The following XYLT1 variants were observed in gnomAD, a reference collection of about 807,000 sequenced individuals.
The protein encoded by XYLT1 is beta-D-xylosyltransferase 1.
Under a neutral mutation model 91.3 loss-of-function variants are expected in XYLT1, and 36 were observed. The observed-to-expected ratio is 0.39, with a 90% CI of 0.30 to 0.52. The LOEUF is 0.52. XYLT1 is among the 20% of genes least tolerant of loss of function. The pLI, the probability that XYLT1 is intolerant of heterozygous loss-of-function variation, is 0.68. For missense variants in XYLT1, 1,242 were observed against 1,284.5 expected, an observed-to-expected ratio of 0.97 and a Z score of 0.51; for synonymous variants, 588 against 532.0, an observed-to-expected ratio of 1.11 and a Z score of -1.45.
At position 17,141,324 on chromosome 16, in the gene XYLT1, G is replaced by C. The variant is rs371420301; in HGVS notation, c.1416C>G (p.Asp472Glu). Residue 472 changes from aspartate to glutamate, a missense_variant, in exon 7 of 12, where the codon GAC (aspartate) becomes GAG (glutamate). By Grantham distance (45) the Asp-to-Glu change is conservative. This residue lies in a region of XYLT1 where 294 missense variants were observed against 376.0 expected (regional missense o/e 0.78). Coordinates refer to ENST00000261381, the MANE Select transcript of XYLT1 (RefSeq NM_022166.4). ...QGLDRLFLEC[D>E]AHMWRLGDRR... ...GATCTCCCAGGCGCCACATGTGAGC[G>C]TCGCACTCCAGGAAGAGCCGATCCA... is the stretch of plus-strand genomic sequence containing the variant. 6.5e-5 allele frequency: 105 copies of C among 1,614,048 alleles called. No homozygotes were observed. The highest frequency in any genetic ancestry group is 8.3e-5 in the Non-Finnish European group (98 of 1,180,046).
At chr16:17,364,726 A>G (rs1379137800) in intron 1 of XYLT1, among the ~76,000 whole-genome samples, 2 of 152,206 alleles carry the variant, frequency 1.3e-5, no homozygotes, top group Non-Finnish European at 2.9e-5. Flanking sequence ...CAGATAACTG[A>G]TACTCTCAGA....
rs1221140944 is a variant in XYLT1 at position 17,138,353 on chromosome 16, A to ACCTGGAAGCGGTGGAAGTCCTG, written c.1744_1764+1dup. 1 of 1,610,004 alleles carries ACCTGGAAGCGGTGGAAGTCCTG rather than the reference A, an allele frequency of 6.2e-7. No individual in the cohort carries two copies. The highest frequency in any genetic ancestry group is 8.5e-7 in the Non-Finnish European group (1 of 1,176,966). ...GGCTGGCAGACCATGAGAAAGTCTCACCTGGAAGCGGTGGAAGTCCTGCGG... is the reference window on the plus strand; with the variant it reads ...GGCTGGCAGACCATGAGAAAGTCTCACCTGGAAGCGGTGGAAGTCCTGCCTGGAAGCGGTGGAAGTCCTGCGG... On this transcript the variant is annotated splice_donor_variant, in intron 8 of 11. Coordinates refer to ENST00000261381, the MANE Select transcript of XYLT1 (RefSeq NM_022166.4). LOFTEE classifies it high-confidence loss of function.
chr16:17,111,784 G>A (rs1344543503), intron 11 of XYLT1, among the ~76,000 whole-genome samples: 1 of 152,228 alleles, frequency 6.6e-6, no homozygotes, highest in African/African-American at 2.4e-5. Flanking sequence ...AAGGAGGTGA[G>A]CAGTCATTGA....
In XYLT1 at chr16:17,470,756, G is replaced by A. The variant is rs558470371; in HGVS notation, c.41C>T (p.Ser14Leu). The A allele has an allele frequency of 2.0e-4, 225 of 1,097,614 alleles. 1 individual carries two copies. The highest frequency in any genetic ancestry group is 2.4e-4 in the Non-Finnish European group (218 of 893,188). The allele number at this position is 1,097,614 out of a possible 1,614,324, so 68.0% of individuals were successfully genotyped here. Reference sequence around the variant, plus strand: ...GAGCGCCGCGAGCAGCGCCGAGTGCGAGCGCCGGGCCAGCCTCCGGGCGCA... The same window carrying A: ...GAGCGCCGCGAGCAGCGCCGAGTGCAAGCGCCGGGCCAGCCTCCGGGCGCA... ...APCARRLARRSHSALLAALTV... is the reference protein window; with the variant it reads ...APCARRLARRLHSALLAALTV... Residue 14 changes from serine to leucine, a missense_variant, in exon 1 of 12, where the codon TCG becomes TTG. Physicochemically the swap from Ser to Leu is moderately radical, Grantham distance 145. This residue lies in a region of XYLT1 where 437 missense variants were observed against 411.5 expected (regional missense o/e 1.06). Transcript: ENST00000261381.
chr16:17,135,563 CAAAAAAAA>C (rs112216252), intron 8 of XYLT1, among the ~76,000 whole-genome samples: 2 of 117,124 alleles, frequency 1.7e-5, no homozygotes, highest in African/African-American at 3.0e-5. Flanking sequence ...GAGTGTAGCT[CAAAAAAAA>C]AAAAAAAAAA....
chr16:17,233,858 C>A (rs918131006), intron 3 of XYLT1, among the ~76,000 whole-genome samples: 1 of 152,144 alleles, frequency 6.6e-6, no homozygotes, highest in Non-Finnish European at 1.5e-5. Flanking sequence ...GCTATAAATA[C>A]CACCAGTGTA....
At chr16:17,341,274 T>C (rs2035060258) in intron 2 of XYLT1, among the ~76,000 whole-genome samples, 1 of 152,194 alleles carries the variant, frequency 6.6e-6, no homozygotes, top group Admixed American at 6.5e-5. Flanking sequence ...AAATAGATGA[T>C]GAAATATTTA....
intron 3 of XYLT1, among the ~76,000 whole-genome samples, chr16:17,224,882 C>T (rs1443181895): frequency 6.6e-6 from 1 of 152,104 alleles, no homozygotes; most frequent in Non-Finnish European, 1.5e-5. Flanking sequence ...GCTTTGTGGG[C>T]CATATGGTTC....
intron 3 of XYLT1, among the ~76,000 whole-genome samples, chr16:17,211,684 C>T (rs746859632): frequency 5.3e-5 from 8 of 152,160 alleles, no homozygotes; most frequent in African/African-American, 1.9e-4. Context: ...ACTGTTCTGA[C>T]GTCAAATACC....
chr16:17,163,237 A>T (rs569711996), intron 5 of XYLT1, among the ~76,000 whole-genome samples: 157 of 152,310 alleles, frequency 1.0e-3, no homozygotes, highest in Non-Finnish European at 1.8e-3. Flanking sequence ...CTGGTGTCAG[A>T]CTTAGGGACT....
intron 1 of XYLT1, among the ~76,000 whole-genome samples, chr16:17,415,975 T>C (rs773217415): frequency 2.6e-5 from 4 of 152,090 alleles, no homozygotes; most frequent in Non-Finnish European, 4.4e-5. Context: ...ACTGGATATG[T>C]TTGAGGAACT....
At chr16:17,416,912 A>G (rs1427067711) in intron 1 of XYLT1, among the ~76,000 whole-genome samples, 1 of 152,244 alleles carries the variant, frequency 6.6e-6, no homozygotes, top group Non-Finnish European at 1.5e-5. Context: ...GTGCTGCTAG[A>G]GTACCCACAA....
rs1166863964 is a variant in XYLT1, at chr16:17,355,809, A to G, written c.402+2203T>C. ...ACTGCAGCCTCTACCTCCTGGGTCCATGTGATTCTCCTGCCTCAGCCTCCC... is the reference window on the plus strand; with the variant it reads ...ACTGCAGCCTCTACCTCCTGGGTCCGTGTGATTCTCCTGCCTCAGCCTCCC... On this transcript the variant is annotated intron_variant, in intron 2 of 11. Transcript: ENST00000261381. 2.6e-5 allele frequency among the ~76,000 whole-genome samples: 4 copies of G among 152,194 alleles called. No homozygotes were observed. In the East Asian group the frequency reaches 7.7e-4, roughly 29 times the overall value.
intron 3 of XYLT1, among the ~76,000 whole-genome samples, chr16:17,223,321 A>C (rs7202961): frequency 0.035 from 5,382 of 152,298 alleles, 302 homozygotes; most frequent in African/African-American, 0.12. Context: ...GGGGGCTGGA[A>C]ATAACCCAAA....
intron 1 of XYLT1, among the ~76,000 whole-genome samples, chr16:17,383,752 C>CTTTTTTTTTTTTTTT (rs71373109): frequency 1.5e-5 from 2 of 135,594 alleles, no homozygotes; most frequent in Non-Finnish European, 1.6e-5. Context: ...GTGGAATTTT[C>CTTTTTTTTTTTTTTT]TTTTTTTTTT....
chr16:17,170,910 C>T (rs1452699319), intron 5 of XYLT1, among the ~76,000 whole-genome samples: 2 of 152,116 alleles, frequency 1.3e-5, no homozygotes, highest in East Asian at 1.9e-4. Flanking sequence ...GGCTGTGTGG[C>T]CTTGGGCAGG....
chr16:17,364,943 C>T (rs952400023), intron 1 of XYLT1, among the ~76,000 whole-genome samples: 2 of 152,110 alleles, frequency 1.3e-5, no homozygotes, highest in African/African-American at 2.4e-5. Flanking sequence ...TACGCTGAAC[C>T]GGAGAGACTT....
chr16:17,239,151 A>T (rs545886394), intron 3 of XYLT1, among the ~76,000 whole-genome samples: 1 of 152,328 alleles, frequency 6.6e-6, no homozygotes, highest in South Asian at 2.1e-4. Context: ...AGACTACCCC[A>T]AAGGCATGCT....
chr16:17,169,664 G>C (rs2031779478), intron 5 of XYLT1, among the ~76,000 whole-genome samples: 1 of 151,596 alleles, frequency 6.6e-6, no homozygotes, highest in Non-Finnish European at 1.5e-5. Context: ...TGGTGGGTTG[G>C]GGGGCGGGCG....
Sources: gnomAD v4.1 joint callset for allele counts (sites outside exome capture counted in the v4.1 genomes callset) on GRCh38, gnomAD v4.1.1 for gene constraint, gnomAD v4.1.1 regional missense constraint, MANE v1.5 for transcripts, NCBI Gene and HGNC (gene_info 2026-07-23, HGNC 2026-07-21) for gene names.